GLRA2: variants seen among roughly 807,000 people sequenced by gnomAD.
GLRA2 encodes glycine receptor alpha 2, also known as glycine receptor subunit alpha-2.
Under a neutral mutation model 31.6 loss-of-function variants are expected in GLRA2, and 11 were observed. That is an observed-to-expected ratio of 0.35 (90% CI 0.22 to 0.58). GLRA2 has a LOEUF of 0.58. Ranked by LOEUF, GLRA2 falls within the 20% of genes least tolerant of loss-of-function variation. The probability of loss-of-function intolerance (pLI) is 0.84; values close to 1 mark genes in which losing one functional copy is unlikely to be tolerated. For missense variants in GLRA2, 212 were observed against 351.8 expected, an observed-to-expected ratio of 0.60 and a Z score of 3.18; for synonymous variants, 132 against 134.0, an observed-to-expected ratio of 0.99 and a Z score of 0.10.
intron 4 of GLRA2, among the ~76,000 whole-genome samples, chrX:14,595,939 C>A (rs2090197356): frequency 8.9e-6 from 1 of 111,849 alleles, no homozygotes; most frequent in African/African-American, 3.3e-5. Flanking sequence ...TTTTAAGTGT[C>A]TGGTGCCTGG....
chrX:14,465,418 C>T, the GLRA2 span, among the ~76,000 whole-genome samples: 6 of 112,147 alleles, frequency 5.4e-5, no homozygotes, highest in Non-Finnish European at 7.5e-5. Flanking sequence ...TCGACTTCTT[C>T]TTTCCCAATT....
intron 5 of GLRA2, 117 bp downstream of exon 5, chrX:14,604,514 C>A: frequency 4.9e-6 from 2 of 410,461 alleles, no homozygotes; most frequent in African/African-American, 2.6e-5. Context: ...CTGACCAACC[C>A]CCAACATCCT....
intron 7 of GLRA2, among the ~76,000 whole-genome samples, chrX:14,655,849 T>C (rs1309667254): frequency 1.8e-5 from 2 of 112,138 alleles, no homozygotes; most frequent in South Asian, 3.7e-4. Flanking sequence ...CTATTAAGTA[T>C]GGGGTCTTTG....
intron 2 of GLRA2, among the ~76,000 whole-genome samples, chrX:14,554,586 T>C (rs1201138832): frequency 8.9e-6 from 1 of 111,872 alleles, no homozygotes; most frequent in Non-Finnish European, 1.9e-5. Flanking sequence ...CTTTCTTTTT[T>C]AAAAACCTCA....
intron 3 of GLRA2, among the ~76,000 whole-genome samples, chrX:14,577,867 AT>A (rs1476423531): frequency 8.9e-6 from 1 of 111,805 alleles, no homozygotes; most frequent in East Asian, 2.8e-4. Context: ...CCATCCATGA[AT>A]TTACTGATAG....
chrX:14,500,202 G>C, the GLRA2 span, among the ~76,000 whole-genome samples: 2 of 112,027 alleles, frequency 1.8e-5, no homozygotes, highest in African/African-American at 6.5e-5. Context: ...TGGCTGTTCA[G>C]CATCACCATG....
At chrX:14,485,934 C>T in the GLRA2 span, among the ~76,000 whole-genome samples, 2 of 111,870 alleles carry the variant, frequency 1.8e-5, no homozygotes, top group Non-Finnish European at 1.9e-5. Context: ...CTTCTCCCTG[C>T]CCCATGGGAC....
chrX:14,500,417 GAAAC>G, the GLRA2 span, among the ~76,000 whole-genome samples: 1 of 112,525 alleles, frequency 8.9e-6, no homozygotes, highest in African/African-American at 3.2e-5. Flanking sequence ...AAACAAACCT[GAAAC>G]AAACAAAACC....
chrX:14,671,817 C>T (rs2091096593), intron 7 of GLRA2, among the ~76,000 whole-genome samples: 2 of 112,416 alleles, frequency 1.8e-5, no homozygotes, highest in Non-Finnish European at 3.8e-5. Context: ...TGCTTCTAAG[C>T]AAGGAATTCA....
intron 2 of GLRA2, among the ~76,000 whole-genome samples, chrX:14,545,397 C>T (rs183046666): frequency 1.2e-3 from 132 of 111,272 alleles, no homozygotes; most frequent in African/African-American, 4.2e-3. Flanking sequence ...TAACCCACTC[C>T]TATGACAATG....
chrX:14,611,640 A>G (rs1035325767), intron 7 of GLRA2, among the ~76,000 whole-genome samples: 4 of 112,318 alleles, frequency 3.6e-5, no homozygotes, highest in African/African-American at 1.3e-4. Context: ...AATGAGAAAA[A>G]AGAAGGTACT....
chrX:14,684,933 T>G (rs1432438597), intron 7 of GLRA2, among the ~76,000 whole-genome samples: 2 of 111,144 alleles, frequency 1.8e-5, no homozygotes, highest in African/African-American at 6.5e-5. Context: ...GCCCATTCAG[T>G]ATGATATTAG....
At chrX:14,587,244 T>C (rs1349207998) in intron 4 of GLRA2, among the ~76,000 whole-genome samples, 1 of 112,562 alleles carries the variant, frequency 8.9e-6, no homozygotes, top group Non-Finnish European at 1.9e-5. Flanking sequence ...TGGATAGTGC[T>C]GTGATGAACA....
chrX:14,567,104 C>T (rs1028566162), intron 2 of GLRA2, among the ~76,000 whole-genome samples: 1 of 111,805 alleles, frequency 8.9e-6, no homozygotes, highest in African/African-American at 3.3e-5. Context: ...CTCTTTTGTC[C>T]AAGTCTCTTA....
At chrX:14,558,825 A>ATTT (rs995170803) in intron 2 of GLRA2, among the ~76,000 whole-genome samples, 1 of 100,930 alleles carries the variant, frequency 9.9e-6, no homozygotes, top group African/African-American at 3.6e-5. Flanking sequence ...TTTGTCTAGA[A>ATTT]TTTTTTTTTT....
chrX:14,570,834 A>G (rs766242931), intron 2 of GLRA2, among the ~76,000 whole-genome samples: 1 of 112,083 alleles, frequency 8.9e-6, no homozygotes, highest in Non-Finnish European at 1.9e-5. Context: ...AGAAAGTGAT[A>G]TATAGCAACA....
the GLRA2 span, among the ~76,000 whole-genome samples, chrX:14,497,751 T>G: frequency 1.8e-5 from 2 of 111,576 alleles, no homozygotes; most frequent in African/African-American, 6.5e-5. Context: ...TGAAAACCTG[T>G]GGGACAATTG....
At chrX:14,641,579 A>G (rs2090774254) in intron 7 of GLRA2, among the ~76,000 whole-genome samples, 1 of 111,632 alleles carries the variant, frequency 9.0e-6, no homozygotes, top group Non-Finnish European at 1.9e-5. Flanking sequence ...AGTGTTGAGG[A>G]GATCATCGGA....
intron 7 of GLRA2, among the ~76,000 whole-genome samples, chrX:14,623,800 C>T (rs1330529991): frequency 2.7e-5 from 3 of 111,348 alleles, no homozygotes; most frequent in African/African-American, 9.8e-5. Flanking sequence ...GGATATTGGT[C>T]TAAAATTTTC....
Sources: gnomAD v4.1 joint callset for allele counts (sites outside exome capture counted in the v4.1 genomes callset) on GRCh38, gnomAD v4.1.1 for gene constraint, MANE v1.5 for transcripts, NCBI Gene and HGNC (gene_info 2026-07-23, HGNC 2026-07-21) for gene names.